The following WFDC5 variants were observed in gnomAD, a reference collection of about 807,000 sequenced individuals.
WFDC5 encodes the protein WAP four-disulfide core domain 5.
A neutral mutation model predicts 15.7 loss-of-function variants in WFDC5; 15 were observed. The observed-to-expected ratio is 0.96, with a 90% CI of 0.64 to 1.47. The LOEUF is 1.47. Among genes scored for constraint, WFDC5 ranks in the 40% most tolerant of loss-of-function variants. The pLI is 0.00. For missense variants in WFDC5, 280 were observed against 258.0 expected (o/e 1.09, Z -0.59); for synonymous variants, 109 against 107.7 (o/e 1.01, Z -0.07).
chr20:45,112,691 C>G (rs550067731), intron 1 of WFDC5, among the ~76,000 whole-genome samples: 5 of 152,254 alleles, frequency 3.3e-5, no homozygotes, highest in African/African-American at 1.2e-4. Context: ...CACACATAGT[C>G]AAATACACAA....
At chr20:45,113,428 C>CG (rs1568798727) in intron 1 of WFDC5, among the ~76,000 whole-genome samples, 4 of 152,214 alleles carry the variant, frequency 2.6e-5, no homozygotes, top group African/African-American at 9.7e-5. Flanking sequence ...AGTGGCCCTG[C>CG]GCAGGCTCGG....
At chr20:45,112,915 A>T (rs1363681450) in intron 1 of WFDC5, among the ~76,000 whole-genome samples, 1 of 152,236 alleles carries the variant, frequency 6.6e-6, no homozygotes, top group African/African-American at 2.4e-5. Flanking sequence ...GAGCTGGAAC[A>T]TAATCACTGT....
rs1334131115 is a variant in WFDC5, at chr20:45,112,647, G to A, written c.86-1872C>T. Among the ~76,000 whole-genome samples, 3 of 152,108 alleles carry A rather than the reference G, an allele frequency of 2.0e-5. No homozygotes were observed. The East Asian group carries it at 5.8e-4, about 29-fold the overall frequency. On this transcript the variant is annotated intron_variant, in intron 1 of 3. Transcript: ENST00000307971. ...GAGCAAAAGAATCGTATCCAAACATGGTTAAATATATACACTTGTACACAC... is the reference window on the plus strand; with the variant it reads ...GAGCAAAAGAATCGTATCCAAACATAGTTAAATATATACACTTGTACACAC...
chr20:45,116,237 C>T (rs1237874479), upstream of WFDC5, among the ~76,000 whole-genome samples: 1 of 152,134 alleles, frequency 6.6e-6, no homozygotes, highest in Admixed American at 6.5e-5. Flanking sequence ...GTGAATCTCT[C>T]GTGCTGTCTT....
chr20:45,115,052 GC>G lies in WFDC5; in HGVS notation c.31del (p.Ala11ProfsTer47). On this transcript the variant is annotated frameshift_variant, in exon 1 of 4. Coordinates refer to ENST00000307971, the Ensembl canonical transcript of WFDC5. LOFTEE classifies it high-confidence loss of function. ...CAGCTGACTCCCCACAGCCAGGAGG[GC>G]CCCCAGGAGGAGAAGGCTCTGGGTC... 6.2e-7 allele frequency: 1 copy of G among 1,613,450 alleles called. No homozygotes were observed.
chr20:45,109,556 T>C (rs1317800873), exon 4 of WFDC5: 6 of 598,000 alleles, frequency 1.0e-5, no homozygotes, highest in Non-Finnish European at 1.5e-5. Flanking sequence ...CAACCTATCA[T>C]GGTGCTATTT....
At chr20:45,116,261 A>G (rs1477897796), upstream of WFDC5, among the ~76,000 whole-genome samples, 1 of 152,060 alleles carries the variant, frequency 6.6e-6, no homozygotes, top group Non-Finnish European at 1.5e-5. Flanking sequence ...AGCTATTAAG[A>G]TAGGAGAGGC....
upstream of WFDC5, among the ~76,000 whole-genome samples, chr20:45,116,114 G>A (rs1322488300): frequency 6.6e-6 from 1 of 152,138 alleles, no homozygotes; most frequent in Non-Finnish European, 1.5e-5. Flanking sequence ...TTAAAAGCAG[G>A]TCAATACCTC....
chr20:45,114,944 C>T (rs1344563922), intron 1 of WFDC5, 55 bp downstream of exon 1: 2 of 1,589,742 alleles, frequency 1.3e-6, no homozygotes, highest in African/African-American at 1.3e-5. Context: ...CCTTACTCTC[C>T]CTAGAGAAGT....
intron 1 of WFDC5, among the ~76,000 whole-genome samples, chr20:45,111,640 G>A (rs1429922012): frequency 6.6e-6 from 1 of 152,194 alleles, no homozygotes. Flanking sequence ...TCCTCTGAAT[G>A]GTATAGAGTG....
intron 1 of WFDC5, among the ~76,000 whole-genome samples, chr20:45,112,938 C>A (rs919136041): frequency 6.6e-6 from 1 of 152,086 alleles, no homozygotes; most frequent in South Asian, 2.1e-4. Flanking sequence ...TTTACACATG[C>A]CTACCCACAT....
intron 1 of WFDC5, among the ~76,000 whole-genome samples, chr20:45,113,600 G>A (rs928105436): frequency 2.0e-5 from 3 of 152,202 alleles, no homozygotes; most frequent in Non-Finnish European, 2.9e-5. Context: ...AGAGAGGCAT[G>A]GGACCCCATT....
At position 45,110,562 on chromosome 20, in the gene WFDC5, G is replaced by T. The variant is rs759047102; in HGVS notation, c.227-22C>A. 7 of 1,614,158 alleles carry T rather than the reference G, an allele frequency of 4.3e-6. No homozygotes were observed. In the Admixed American group the frequency reaches 1.2e-4, roughly 27 times the overall value. On this transcript the variant is annotated intron_variant, in intron 2 of 3. Transcript: ENST00000307971. The stretch of plus-strand genomic sequence containing the variant: ...TTCACTGCAACACAGGGAACTGGGT[G>T]AGCTCCGTCCTTGCCCACTGGCCCT...
exon 3 of WFDC5, chr20:45,110,477 T>C: frequency 6.2e-7 from 1 of 1,614,158 alleles, no homozygotes; most frequent in Middle Eastern, 1.7e-4. Flanking sequence ...TGAGTCCTTG[T>C]GACACAGGTG....
At chr20:45,115,197 GC>G (rs1981729714), upstream of WFDC5, 1 of 961,876 alleles carries the variant, frequency 1.0e-6, no homozygotes, top group South Asian at 1.6e-5. Context: ...GTGACACCGT[GC>G]CTGCTTCATC....
exon 2 of WFDC5, chr20:45,110,745 C>T (rs1462075006): frequency 1.2e-6 from 2 of 1,614,020 alleles, no homozygotes; most frequent in South Asian, 1.1e-5. Flanking sequence ...GAGGCAGGGC[C>T]CATCATCTGG....
chr20:45,109,472 G>C, exon 4 of WFDC5: 1 of 463,684 alleles, frequency 2.2e-6, no homozygotes. Flanking sequence ...ATTTTCTTTT[G>C]AAATGAATTT....
At chr20:45,115,774 GAT>G (rs1981745228), upstream of WFDC5, among the ~76,000 whole-genome samples, 1 of 152,176 alleles carries the variant, frequency 6.6e-6, no homozygotes, top group Non-Finnish European at 1.5e-5. Flanking sequence ...GGTCACAGCA[GAT>G]GTGTGGCCAC....
At chr20:45,109,805 A>G in exon 4 of WFDC5, 1 of 760,310 alleles carries the variant, frequency 1.3e-6, no homozygotes, top group Non-Finnish European at 2.4e-6. Context: ...CTCCGAGCTC[A>G]GGCTATGGAC....
Sources: allele counts gnomAD v4.1 joint callset (sites outside exome capture counted in the v4.1 genomes callset), GRCh38; gene constraint gnomAD v4.1.1; transcripts MANE v1.5; gene names NCBI Gene and HGNC (gene_info 2026-07-23, HGNC 2026-07-21).